Variants in SERTAD4 observed in about 807,000 individuals in gnomAD.
SERTAD4 encodes SERTA domain-containing protein 4.
In SERTAD4, 18 loss-of-function variants were observed where a neutral mutation model predicts 32.9. The ratio of observed to expected loss-of-function variants is 0.55; its 90% CI spans 0.38 to 0.81. The LOEUF (loss-of-function observed/expected upper bound fraction) is 0.81, where lower values mean the gene tolerates loss of function less well. SERTAD4 is among the 30% of genes least tolerant of loss of function. The probability of loss-of-function intolerance (pLI) is 0.00; values close to 1 mark genes in which losing one functional copy is unlikely to be tolerated. For missense variants in SERTAD4, 383 were observed against 426.0 expected (o/e 0.90, Z 0.89); for synonymous variants, 150 against 156.4 (o/e 0.96, Z 0.30).
intron 1 of SERTAD4, chr1:210,233,572 A>C (rs2147842430): frequency 2.4e-6 from 1 of 421,676 alleles, no homozygotes. Context: ...CCGCCCCCGC[A>C]CCCTCCTCCC....
chr1:210,239,205 T>G (rs777944064), intron 2 of SERTAD4, among the ~76,000 whole-genome samples: 8 of 152,178 alleles, frequency 5.3e-5, no homozygotes, highest in Non-Finnish European at 8.8e-5. Flanking sequence ...ACTCCTCCCC[T>G]TTATGAATGT....
At position 210,246,075 on chromosome 1, in the gene SERTAD4, GGC is replaced by G. The variant is rs1404060474; in HGVS notation, c.*3739_*3740del. The G allele has an allele frequency of 1.6e-5, 4 of 245,392 alleles. No individual in the cohort carries two copies. Among genetic ancestry groups the G allele is most frequent in the African/African-American group, 9.3e-5 (4 of 43,014 alleles). 15.2% of individuals were successfully genotyped at this position (245,392 alleles called of 1,614,324 possible). A position where few individuals can be genotyped will look rare whatever the true frequency, so the allele number is the denominator to read the frequency against. On this transcript the variant is annotated 3_prime_UTR_variant, in exon 4 of 4. Coordinates refer to ENST00000367012, the MANE Select transcript of SERTAD4 (RefSeq NM_019605.5). ...TTTTTCAGAGACAAGCATTCAGCATGGCATTAGTAATGATGGTTTAAACTAGG... is the reference window on the plus strand; with the variant it reads ...TTTTTCAGAGACAAGCATTCAGCATGATTAGTAATGATGGTTTAAACTAGG...
intron 1 of SERTAD4, among the ~76,000 whole-genome samples, chr1:210,236,290 C>A (rs1558255494): frequency 6.6e-6 from 1 of 152,178 alleles, no homozygotes; most frequent in Non-Finnish European, 1.5e-5. Flanking sequence ...GTACTGATGT[C>A]TCTTTGGAGG....
intron 2 of SERTAD4, 22 bp from the exon 3 acceptor site, chr1:210,239,471 C>A: frequency 7.2e-7 from 1 of 1,396,736 alleles, no homozygotes; most frequent in Non-Finnish European, 1.0e-6. Flanking sequence ...TGTCATTTGT[C>A]ATATCTGATT....
At chr1:210,233,994 TAA>T (rs1269438559) in intron 1 of SERTAD4, 22 of 334,900 alleles carry the variant, frequency 6.6e-5, no homozygotes, top group African/African-American at 1.7e-4. Flanking sequence ...GTTTTTTTTT[TAA>T]AAAAAAAAAA....
chr1:210,242,198 A>G lies in SERTAD4; in HGVS notation c.932A>G (p.Lys311Arg). The G allele has an allele frequency of 1.2e-6, 2 of 1,614,202 alleles. No individual in the cohort carries two copies. The highest frequency in any genetic ancestry group is 2.2e-5 in the East Asian group (1 of 44,884). ...PVGNDLAFECKGQFYDYFETG... is the reference protein window; with the variant it reads ...PVGNDLAFECRGQFYDYFETG... ...GGAAATGACCTTGCTTTTGAGTGCA[A>G]AGGCCAATTTTATGATTATTTTGAG... Residue 311 changes from lysine (K) to arginine (R), a missense_variant, in exon 4 of 4, where the codon AAA becomes AGA. Coordinates refer to ENST00000367012, the MANE Select transcript of SERTAD4 (RefSeq NM_019605.5). The surrounding 1 kb of genome is among the most constrained non-coding windows in gnomAD (Gnocchi z 4.0).
At position 210,243,114 on chromosome 1, in the gene SERTAD4, A is replaced by AAAAAAACC; in HGVS notation, c.*778_*779insAAAAACCA. ...AGGACAAAAAAAAAAAAAAAAAAAA[A>AAAAAAACC]ACCACAGGGTGGATCAATATGGTTT... On this transcript the variant is annotated 3_prime_UTR_variant, in exon 4 of 4. Transcript: ENST00000367012. 5 of 695,718 alleles carry AAAAAAACC rather than the reference A, an allele frequency of 7.2e-6. No homozygotes were observed. The highest frequency in any genetic ancestry group is 8.8e-6 in the Non-Finnish European group (5 of 567,292). 43.1% of individuals were successfully genotyped at this position (695,718 alleles called of 1,614,324 possible).
chr1:210,236,444 A>C (rs1467916694), intron 1 of SERTAD4, among the ~76,000 whole-genome samples: 2 of 152,224 alleles, frequency 1.3e-5, no homozygotes. Context: ...TTGAGACCTC[A>C]GAGAGAAGAC....
At chr1:210,237,623 A>C (rs2083954022) in intron 1 of SERTAD4, among the ~76,000 whole-genome samples, 1 of 152,128 alleles carries the variant, frequency 6.6e-6, no homozygotes. Flanking sequence ...TTTTCTTTGG[A>C]AGGTCAGGAG....
chr1:210,242,576 T>A lies in SERTAD4; in HGVS notation c.*239T>A. ...ACGATTGACTTAATGCTTAAAAGTATATCATAGTTTTCTTACGGAAAAGAT... is the reference window on the plus strand; with the variant it reads ...ACGATTGACTTAATGCTTAAAAGTAAATCATAGTTTTCTTACGGAAAAGAT... On this transcript the variant is annotated 3_prime_UTR_variant, in exon 4 of 4. Coordinates refer to ENST00000367012, the MANE Select transcript of SERTAD4 (RefSeq NM_019605.5). The surrounding 1 kb of genome is among the most constrained non-coding windows in gnomAD (Gnocchi z 4.0). The A allele has an allele frequency of 8.1e-7, 1 of 1,237,934 alleles. No individual in the cohort carries two copies. The highest frequency in any genetic ancestry group is 1.0e-6 in the Non-Finnish European group (1 of 992,262). The allele number at this position is 1,237,934 out of a possible 1,614,324, so 76.7% of individuals were successfully genotyped here.
Position 210,241,567 on chromosome 1 carries a change from A to C in SERTAD4, c.301A>C (p.Ile101Leu). 1 of 1,513,234 alleles carries C rather than the reference A, an allele frequency of 6.6e-7. No individual in the cohort carries two copies. Among genetic ancestry groups the C allele is most frequent in the South Asian group, 1.4e-5 (1 of 72,684 alleles). The allele number at this position is 1,513,234 out of a possible 1,614,324, so 93.7% of individuals were successfully genotyped here. ...TTTTTTTGGTTTGTAGACCATCTCA[A>C]TTTTTGAGGAACGAGCCCACATCCT... ...LSSCSHKTIS[I>L]FEERAHILYM... is the part of the protein sequence containing the mutation. The change falls in exon 4 of 4, where the codon ATT (isoleucine) becomes CTT (leucine). Residue 101 changes from isoleucine to leucine, a missense_variant. Around this residue, in one of 3 missense-constraint regions of SERTAD4, gnomAD observed 107 missense variants for 158.8 expected, o/e 0.67. Coordinates refer to ENST00000367012, the MANE Select transcript of SERTAD4 (RefSeq NM_019605.5).
chr1:210,243,916 A>C lies in SERTAD4; in HGVS notation c.*1579A>C, dbSNP rs1381674161. ...TAGGATCATTTGGACAATTGTCCAC[A>C]AAGACCAATTTTTAAAACATTTTCT... On this transcript the variant is annotated 3_prime_UTR_variant, in exon 4 of 4. Coordinates refer to ENST00000367012, the MANE Select transcript of SERTAD4 (RefSeq NM_019605.5). 2.0e-5 allele frequency: 3 copies of C among 152,214 alleles called. No individual in the cohort carries two copies. The highest frequency in any genetic ancestry group is 7.2e-5 in the African/African-American group (3 of 41,444). 9.4% of individuals were successfully genotyped at this position (152,214 alleles called of 1,614,324 possible).
chr1:210,241,534 C>CA, intron 3 of SERTAD4, 24 bp from the exon 4 acceptor site: 1 of 1,110,534 alleles, frequency 9.0e-7, no homozygotes, highest in Non-Finnish European at 1.2e-6. Flanking sequence ...TTGTTTTTTT[C>CA]TTTTTTTTTT....
At position 210,239,613 on chromosome 1, in the gene SERTAD4, GT is replaced by G. The variant is rs768408381; in HGVS notation, c.291+12del. On this transcript the variant is annotated splice_donor_region_variant and intron_variant, in intron 3 of 3. Transcript: ENST00000367012. The stretch of plus-strand genomic sequence containing the variant: ...CTCAGCAGCTGTAGCCATAAAGTAT[GT>G]TTTTTTAATAGTCATTATTTTTATT... The G allele has an allele frequency of 2.0e-6, 3 of 1,493,626 alleles. No homozygotes were observed. The highest frequency in any genetic ancestry group is 1.8e-5 in the Admixed American group (1 of 55,664). The allele number at this position is 1,493,626 out of a possible 1,614,324, so 92.5% of individuals were successfully genotyped here. A position where few individuals can be genotyped will look rare whatever the true frequency, so the allele number is the denominator to read the frequency against.
At chr1:210,240,915 C>T (rs907429796) in intron 3 of SERTAD4, among the ~76,000 whole-genome samples, 2 of 152,140 alleles carry the variant, frequency 1.3e-5, no homozygotes, top group African/African-American at 4.8e-5. Flanking sequence ...TTGGCTAGAC[C>T]AGGGTTTGAA....
At position 210,245,683 on chromosome 1, in the gene SERTAD4, A is replaced by G; in HGVS notation, c.*3346A>G. The G allele has an allele frequency of 2.8e-6, 1 of 357,618 alleles. No homozygotes were observed. The highest frequency in any genetic ancestry group is 1.1e-4 in the South Asian group (1 of 8,824). 22.2% of individuals were successfully genotyped at this position (357,618 alleles called of 1,614,324 possible). A position where few individuals can be genotyped will look rare whatever the true frequency, so the allele number is the denominator to read the frequency against. On this transcript the variant is annotated 3_prime_UTR_variant, in exon 4 of 4. Transcript: ENST00000367012. ...TCTTTGTTAAATGGTGAAGCAAGGG[A>G]ATGAAAGTATTTATTTTTAGAGCTC...
Position 210,242,529 on chromosome 1 carries a change from TGTG to T in SERTAD4, c.*196_*198del, listed in dbSNP as rs1403546498. 12 of 1,330,752 alleles carry T rather than the reference TGTG, an allele frequency of 9.0e-6. No homozygotes were observed. Among genetic ancestry groups the T allele is most frequent in the African/African-American group, 6.0e-5 (4 of 66,496 alleles). 82.4% of individuals were successfully genotyped at this position (1,330,752 alleles called of 1,614,324 possible). A position where few individuals can be genotyped will look rare whatever the true frequency, so the allele number is the denominator to read the frequency against. On this transcript the variant is annotated 3_prime_UTR_variant, in exon 4 of 4. Coordinates refer to ENST00000367012, the MANE Select transcript of SERTAD4 (RefSeq NM_019605.5). This position sits in a 1 kb window ranked among gnomAD's most constrained non-coding sequence, Gnocchi z 4.0. ...CAGGCATCAGCGAGCTTCTTATAAATGTGGTGATTTTTACCAAGGAAACGATTG... is the reference window on the plus strand; with the variant it reads ...CAGGCATCAGCGAGCTTCTTATAAATGTGATTTTTACCAAGGAAACGATTG...
chr1:210,232,848 G>A lies in SERTAD4; in HGVS notation c.-181G>A, dbSNP rs375648872. 1 of 150,692 alleles carries A rather than the reference G, an allele frequency of 6.6e-6. No individual in the cohort carries two copies. Among genetic ancestry groups the A allele is most frequent in the African/African-American group, 2.4e-5 (1 of 41,242 alleles). The allele number at this position is 150,692 out of a possible 1,614,324, so 9.3% of individuals were successfully genotyped here. ...GGCGCAGCGCCCCAGTCGCGGCGGC[G>A]GGACCTGCCGGGACCCTTGCCCGCC... On this transcript the variant is annotated 5_prime_UTR_variant, in exon 1 of 4. Transcript: ENST00000367012.
At position 210,245,996 on chromosome 1, in the gene SERTAD4, GA is replaced by G. The variant is rs1467170075; in HGVS notation, c.*3661del. Reference sequence around the variant, plus strand: ...ATTTTTCTGACAGCCCCTTAAATTTGAAGTTATTTCATTTGTAGTTAAGGTT... The same window carrying G: ...ATTTTTCTGACAGCCCCTTAAATTTGAGTTATTTCATTTGTAGTTAAGGTT... On this transcript the variant is annotated 3_prime_UTR_variant, in exon 4 of 4. Transcript: ENST00000367012. 1 of 914,990 alleles carries G rather than the reference GA, an allele frequency of 1.1e-6. No individual in the cohort carries two copies. The allele number at this position is 914,990 out of a possible 1,614,324, so 56.7% of individuals were successfully genotyped here. A position where few individuals can be genotyped will look rare whatever the true frequency, so the allele number is the denominator to read the frequency against.
Sources: allele counts gnomAD v4.1 joint callset (sites outside exome capture counted in the v4.1 genomes callset), GRCh38; gene constraint gnomAD v4.1.1; regional missense constraint gnomAD v4.1.1; non-coding constraint Gnocchi (gnomAD v3.1); transcripts MANE v1.5; gene names NCBI Gene and HGNC (gene_info 2026-07-23, HGNC 2026-07-21).